Variants in C6 observed in about 807,000 individuals in gnomAD.
C6 encodes complement C6.
In C6, 101 loss-of-function variants were observed where a neutral mutation model predicts 112.9. The ratio of observed to expected loss-of-function variants is 0.89; its 90% CI spans 0.76 to 1.06. The LOEUF (loss-of-function observed/expected upper bound fraction) is 1.06. C6 is among the 50% of genes least tolerant of loss of function. The pLI is 0.00. For synonymous variants in C6, 431 were observed against 384.1 expected (o/e 1.12, Z -1.43); for missense variants, 1,202 against 1,104.6 (o/e 1.09, Z -1.25).
chr5:41,175,990 T>C (rs1256837144), intron 8 of C6, among the ~76,000 whole-genome samples: 1 of 152,228 alleles, frequency 6.6e-6, no homozygotes, highest in African/African-American at 2.4e-5. Context: ...AACTTTTCTT[T>C]CATCATATGT....
chr5:41,255,292 C>T (rs768053985), intron 1 of C6, among the ~76,000 whole-genome samples: 8 of 150,342 alleles, frequency 5.3e-5, no homozygotes, highest in African/African-American at 1.5e-4. Flanking sequence ...ACCTGGGAGG[C>T]GGCGGCCGCA....
At chr5:41,258,921 T>A (rs1023051168) in intron 1 of C6, among the ~76,000 whole-genome samples, 5 of 152,158 alleles carry the variant, frequency 3.3e-5, no homozygotes, top group African/African-American at 1.2e-4. Flanking sequence ...ATGATCCAAT[T>A]ACCTTCATCT....
intron 1 of C6, among the ~76,000 whole-genome samples, chr5:41,245,849 T>G (rs1405066417): frequency 6.6e-6 from 1 of 152,180 alleles, no homozygotes; most frequent in Non-Finnish European, 1.5e-5. Flanking sequence ...GATATTTTGT[T>G]TAGGAGCTTT....
chr5:41,195,895 T>A lies in C6; in HGVS notation c.484A>T (p.Asn162Tyr). Residue 162 changes from asparagine (N) to tyrosine (Y), a missense_variant, in exon 5 of 18, where the codon AAT becomes TAT. Coordinates refer to ENST00000337836, the MANE Select transcript of C6 (RefSeq NM_000065.5). ...TCATCTGAATTGTCTCCACAGTCAT[T>A]TTCTCCATTGCATTCTAACTTTCTG... ...IARKLECNGENDCGDNSDERD... is the reference protein window; with the variant it reads ...IARKLECNGEYDCGDNSDERD... 2 of 1,614,040 alleles carry A rather than the reference T, an allele frequency of 1.2e-6. No individual in the cohort carries two copies. Among genetic ancestry groups the A allele is most frequent in the East Asian group, 2.2e-5 (1 of 44,856 alleles).
At chr5:41,257,295 T>C (rs1741775758) in intron 1 of C6, among the ~76,000 whole-genome samples, 1 of 152,138 alleles carries the variant, frequency 6.6e-6, no homozygotes, top group Non-Finnish European at 1.5e-5. Flanking sequence ...GTTCCTGCAT[T>C]AATTCACTTA....
chr5:41,239,599 C>G (rs933138680), intron 1 of C6, among the ~76,000 whole-genome samples: 1 of 152,086 alleles, frequency 6.6e-6, no homozygotes, highest in East Asian at 1.9e-4. Flanking sequence ...TTTTCCCCAT[C>G]CCCCACCCCT....
Position 41,255,135 on chromosome 5 carries a change from G to A in C6, c.-21+6059C>T, listed in dbSNP as rs143938710. ...CCAGCACTTTGGGAGGCCAAGGTGG[G>A]CAGATCACTTGAGGCAGGAGTTCAA... On this transcript the variant is annotated intron_variant, in intron 1 of 17. Transcript: ENST00000263413. Among the ~76,000 whole-genome samples the A allele has an allele frequency of 9.3e-3, 1,420 of 152,228 alleles. 28 individuals carry two copies. The highest frequency in any genetic ancestry group is 0.031 in the African/African-American group (1,304 of 41,526).
intron 1 of C6, among the ~76,000 whole-genome samples, chr5:41,260,457 C>G (rs972833087): frequency 6.8e-6 from 1 of 147,336 alleles, no homozygotes; most frequent in African/African-American, 2.6e-5. Context: ...AACCCCCCCC[C>G]AAAACAAACA....
rs149096464 is a variant in C6 at position 41,221,556 on chromosome 5, A to C, written c.-20-18306T>G. Among the ~76,000 whole-genome samples the C allele has an allele frequency of 9.6e-3, 1,458 of 152,280 alleles. 29 individuals are homozygous for C. The highest frequency in any genetic ancestry group is 0.032 in the African/African-American group (1,340 of 41,568). Reference sequence around the variant, plus strand: ...AGCAAGTAGATGGCTTTCTTTCCTTAATAGATTGCTAGAAATGGCCTAGCC... The same window carrying C: ...AGCAAGTAGATGGCTTTCTTTCCTTCATAGATTGCTAGAAATGGCCTAGCC... On this transcript the variant is annotated intron_variant, in intron 1 of 17. Coordinates refer to the C6 transcript ENST00000263413.
intron 13 of C6, among the ~76,000 whole-genome samples, chr5:41,156,696 C>A (rs564536832): frequency 6.6e-6 from 1 of 152,136 alleles, no homozygotes; most frequent in Non-Finnish European, 1.5e-5. Context: ...TTTCTGGATA[C>A]AAAACTACCA....
chr5:41,149,891 T>C (rs556530905), intron 16 of C6, 44 bp downstream of exon 16: 1 of 1,328,312 alleles, frequency 7.5e-7, no homozygotes, highest in Non-Finnish European at 1.1e-6. Flanking sequence ...TACACTAGAC[T>C]GGTTTTCCCA....
At chr5:41,222,997 G>A (rs1377632738) in intron 1 of C6, among the ~76,000 whole-genome samples, 1 of 152,014 alleles carries the variant, frequency 6.6e-6, no homozygotes, top group Non-Finnish European at 1.5e-5. Context: ...TAAATTCTCT[G>A]GAATTTCTAT....
intron 1 of C6, among the ~76,000 whole-genome samples, chr5:41,238,684 A>G (rs1347490212): frequency 1.3e-5 from 2 of 152,226 alleles, no homozygotes; most frequent in Non-Finnish European, 2.9e-5. Context: ...ATCTGACATC[A>G]TGAATAATTT....
chr5:41,193,130 A>G (rs973518776), intron 5 of C6, among the ~76,000 whole-genome samples: 3 of 152,240 alleles, frequency 2.0e-5, no homozygotes, highest in Admixed American at 2.0e-4. Flanking sequence ...AAAGCATAAC[A>G]GCGAGGACTA....
intron 9 of C6, among the ~76,000 whole-genome samples, chr5:41,170,013 A>G (rs971073778): frequency 2.0e-5 from 3 of 152,112 alleles, no homozygotes; most frequent in Non-Finnish European, 4.4e-5. Flanking sequence ...TTAATACTGT[A>G]TTTCTAGAAT....
chr5:41,143,273 A>G (rs1745516978), intron 17 of C6, among the ~76,000 whole-genome samples: 2 of 152,190 alleles, frequency 1.3e-5, no homozygotes, highest in African/African-American at 2.4e-5. Flanking sequence ...AGAGGGCACT[A>G]GTAAGCCAGT....
At chr5:41,218,055 A>G (rs186159654), upstream of C6, among the ~76,000 whole-genome samples, 34 of 152,300 alleles carry the variant, frequency 2.2e-4, no homozygotes, top group African/African-American at 7.9e-4. Context: ...CATTTCACTC[A>G]ATTCACAAAT....
intron 4 of C6, among the ~76,000 whole-genome samples, chr5:41,198,804 T>A (rs1464401143): frequency 6.6e-6 from 1 of 152,182 alleles, no homozygotes; most frequent in African/African-American, 2.4e-5. Flanking sequence ...GTAAAAACCA[T>A]CTTTCAAGCT....
chr5:41,244,227 C>T (rs1004241168), intron 1 of C6, among the ~76,000 whole-genome samples: 2 of 152,192 alleles, frequency 1.3e-5, no homozygotes, highest in African/African-American at 2.4e-5. Context: ...ATAAGTTCCT[C>T]TCTTCTTTTT....
Sources: allele counts gnomAD v4.1 joint callset (sites outside exome capture counted in the v4.1 genomes callset), GRCh38; gene constraint gnomAD v4.1.1; transcripts MANE v1.5; gene names NCBI Gene and HGNC (gene_info 2026-07-23, HGNC 2026-07-21).